The following MAN1A2 variants were observed in gnomAD, a reference collection of about 807,000 sequenced individuals.
MAN1A2 encodes the protein mannosyl-oligosaccharide 1,2-alpha-mannosidase IB.
In MAN1A2, 26 loss-of-function variants were observed where a neutral mutation model predicts 75.7. The ratio of observed to expected loss-of-function variants is 0.34; its 90% CI spans 0.25 to 0.48. MAN1A2 has a LOEUF of 0.48. MAN1A2 is among the 20% of genes least tolerant of loss of function. The pLI is 0.99. For synonymous variants in MAN1A2, 247 were observed against 264.6 expected, an observed-to-expected ratio of 0.93 and a Z score of 0.65; for missense variants, 562 against 775.5, an observed-to-expected ratio of 0.72 and a Z score of 3.27.
At chr1:117,391,468 A>G (rs557155417) in intron 1 of MAN1A2, among the ~76,000 whole-genome samples, 84 of 152,202 alleles carry the variant, frequency 5.5e-4, no homozygotes, top group African/African-American at 1.9e-3. Flanking sequence ...AAATTTTGTT[A>G]TTAGGTGTGT....
chr1:117,451,550 A>G (rs1293406651), intron 6 of MAN1A2, among the ~76,000 whole-genome samples: 4 of 152,110 alleles, frequency 2.6e-5, no homozygotes, highest in Admixed American at 2.6e-4. Context: ...TCCCCACCCA[A>G]ATCTCATCTT....
In MAN1A2 at chr1:117,402,283, C is replaced by A; in HGVS notation, c.400C>A (p.Arg134=). ...ATTAAGAAAGTCAAGAGAGGAAATT[C>A]GAGCAGAAATTCAGACAGAGAAAAA... ...EKLRKSREEI[R]AEIQTEKNKV... The change falls in exon 2 of 13, where the codon CGA becomes AGA. Residue 134 remains arginine, a synonymous_variant. Coordinates refer to ENST00000356554, the MANE Select transcript of MAN1A2 (RefSeq NM_006699.5). The A allele has an allele frequency of 6.2e-7, 1 of 1,613,568 alleles. No homozygotes were observed. Among genetic ancestry groups the A allele is most frequent in the Non-Finnish European group, 8.5e-7 (1 of 1,179,752 alleles).
intron 7 of MAN1A2, among the ~76,000 whole-genome samples, chr1:117,463,742 A>G (rs151018884): frequency 2.1e-4 from 32 of 152,270 alleles, no homozygotes; most frequent in African/African-American, 7.5e-4. Flanking sequence ...TGAGTAATTC[A>G]TACCATAATA....
chr1:117,498,697 C>T (rs1413216741), intron 10 of MAN1A2, among the ~76,000 whole-genome samples: 1 of 151,826 alleles, frequency 6.6e-6, no homozygotes, highest in Admixed American at 6.6e-5. Flanking sequence ...CCTGTATTTT[C>T]AAGTCTTCTG....
At position 117,391,120 on chromosome 1, in the gene MAN1A2, A is replaced by T. The variant is rs559092936; in HGVS notation, c.303-11066A>T. ...ATTTGGAGACTATCCAGATACCTTT[A>T]TGTTACCTGGTTTCTACTCTAATCC... is the stretch of plus-strand genomic sequence containing the variant. On this transcript the variant is annotated intron_variant, in intron 1 of 12. Coordinates refer to ENST00000356554, the MANE Select transcript of MAN1A2 (RefSeq NM_006699.5). Among the ~76,000 whole-genome samples the T allele has an allele frequency of 3.3e-5, 5 of 152,234 alleles. No homozygotes were observed. In the South Asian group the frequency reaches 1.0e-3, roughly 32 times the overall value.
intron 5 of MAN1A2, among the ~76,000 whole-genome samples, chr1:117,427,232 G>T (rs905050540): frequency 6.6e-6 from 1 of 152,082 alleles, no homozygotes; most frequent in Non-Finnish European, 1.5e-5. Flanking sequence ...AGTTGACAAG[G>T]ATGTTAAAGC....
chr1:117,491,752 G>A (rs1050381500), intron 8 of MAN1A2, among the ~76,000 whole-genome samples: 1 of 152,102 alleles, frequency 6.6e-6, no homozygotes, highest in African/African-American at 2.4e-5. Context: ...AAGAACATTT[G>A]TGATTCATGG....
intron 8 of MAN1A2, among the ~76,000 whole-genome samples, chr1:117,492,278 G>A (rs1037475933): frequency 1.1e-4 from 16 of 152,000 alleles, no homozygotes; most frequent in African/African-American, 3.9e-4. Context: ...AGCCACCCCA[G>A]CCTTCAGCAG....
Position 117,418,301 on chromosome 1 carries a change from A to G in MAN1A2, c.775-2268A>G, listed in dbSNP as rs571807644. 2.0e-5 allele frequency among the ~76,000 whole-genome samples: 3 copies of G among 152,260 alleles called. No individual in the cohort carries two copies. In the East Asian group the frequency reaches 5.8e-4, roughly 29 times the overall value. ...GAGCAAAACAGTAAACAAGTTATATATAGTACATCAGAGGGTGATGATAAG... is the reference window on the plus strand; with the variant it reads ...GAGCAAAACAGTAAACAAGTTATATGTAGTACATCAGAGGGTGATGATAAG... On this transcript the variant is annotated intron_variant, in intron 4 of 12. Coordinates refer to ENST00000356554, the MANE Select transcript of MAN1A2 (RefSeq NM_006699.5).
At chr1:117,452,282 G>A (rs1409072519) in intron 6 of MAN1A2, among the ~76,000 whole-genome samples, 3 of 150,896 alleles carry the variant, frequency 2.0e-5, no homozygotes, top group Admixed American at 1.3e-4. Context: ...ACGCCAGCCT[G>A]GGTGACAAGA....
intron 4 of MAN1A2, among the ~76,000 whole-genome samples, chr1:117,417,628 G>A (rs1436144335): frequency 6.9e-6 from 1 of 145,312 alleles, no homozygotes. Context: ...GTGCTCTGGT[G>A]TCAGGAGCAA....
chr1:117,522,732 A>T, intron 12 of MAN1A2, 93 bp from the exon 13 acceptor site: 1 of 1,081,384 alleles, frequency 9.2e-7, no homozygotes, highest in Non-Finnish European at 1.4e-6. Flanking sequence ...TGCTCAAAAT[A>T]CGTTATTGGT....
chr1:117,449,147 C>A (rs1181330909), intron 6 of MAN1A2, among the ~76,000 whole-genome samples: 2 of 152,148 alleles, frequency 1.3e-5, no homozygotes, highest in African/African-American at 4.8e-5. Flanking sequence ...TCCCTTCTCT[C>A]TCCTTCTCCT....
intron 6 of MAN1A2, among the ~76,000 whole-genome samples, chr1:117,459,674 AAAAT>A (rs1383216850): frequency 1.3e-5 from 2 of 152,332 alleles, no homozygotes; most frequent in East Asian, 3.9e-4. Context: ...ACAGATTAAA[AAAAT>A]AAAACGCAAG....
intron 12 of MAN1A2, among the ~76,000 whole-genome samples, chr1:117,509,071 C>T (rs1262349350): frequency 6.7e-6 from 1 of 149,326 alleles, no homozygotes; most frequent in Non-Finnish European, 1.5e-5. Flanking sequence ...GATACAAAAC[C>T]CAAAGATCAT....
chr1:117,517,384 CAGTT>C (rs554578962), intron 12 of MAN1A2, among the ~76,000 whole-genome samples: 264 of 152,224 alleles, frequency 1.7e-3, no homozygotes, highest in Non-Finnish European at 2.8e-3. Flanking sequence ...TAGACAATGA[CAGTT>C]AAAATATTTA....
At chr1:117,392,370 A>G (rs1486285387) in intron 1 of MAN1A2, among the ~76,000 whole-genome samples, 1 of 151,990 alleles carries the variant, frequency 6.6e-6, no homozygotes, top group Admixed American at 6.6e-5. Context: ...AAGATCATGT[A>G]TGTCTTTCTC....
chr1:117,368,580 G>A, intron 1 of MAN1A2, 95 bp downstream of exon 1: 1 of 1,170,802 alleles, frequency 8.5e-7, no homozygotes, highest in South Asian at 1.5e-5. Context: ...GCAGTAAAAT[G>A]TAATTTTTCG....
At chr1:117,492,959 A>G (rs1286578614) in intron 8 of MAN1A2, among the ~76,000 whole-genome samples, 188 bp from the exon 9 acceptor site, 2 of 152,152 alleles carry the variant, frequency 1.3e-5, no homozygotes, top group African/African-American at 4.8e-5. Flanking sequence ...TTGGATACAC[A>G]TATAGAGGAA....
Sources: allele counts gnomAD v4.1 joint callset (sites outside exome capture counted in the v4.1 genomes callset), GRCh38; gene constraint gnomAD v4.1.1; transcripts MANE v1.5; gene names NCBI Gene and HGNC (gene_info 2026-07-23, HGNC 2026-07-21).